Variants in RUVBL2 observed in about 807,000 individuals in gnomAD.
RUVBL2 encodes ruvB-like 2.
RUVBL2 carries 9 observed loss-of-function variants against 57.9 expected under a neutral mutation model. The observed-to-expected ratio is 0.16, with a 90% confidence interval of 0.09 to 0.27. RUVBL2 has a LOEUF of 0.27. RUVBL2 is among the 10% of genes least tolerant of loss of function. The pLI is 1.00. For synonymous variants in RUVBL2, 278 were observed against 264.6 expected (o/e 1.05, Z -0.49); for missense variants, 456 against 669.6 (o/e 0.68, Z 3.52).
chr19:48,997,675 T>C (rs1264615858), intron 1 of RUVBL2, among the ~76,000 whole-genome samples: 1 of 151,954 alleles, frequency 6.6e-6, no homozygotes, highest in African/African-American at 2.4e-5. Flanking sequence ...TTCCTTTTTA[T>C]GACTGAATAA....
At chr19:49,003,235 C>A (rs775695220) in intron 2 of RUVBL2, 44 bp from the exon 3 acceptor site, 8 of 1,597,938 alleles carry the variant, frequency 5.0e-6, no homozygotes, top group Middle Eastern at 1.7e-4. Flanking sequence ...ACATGTGCAG[C>A]AAGCTGGCTA....
At chr19:48,993,805 GA>G, upstream of RUVBL2, 1 of 1,408,540 alleles carries the variant, frequency 7.1e-7, no homozygotes, top group Admixed American at 1.7e-5. Flanking sequence ...ACATATTTAT[GA>G]GGAACCATCG....
chr19:49,000,668 C>T (rs1193281774), intron 2 of RUVBL2, among the ~76,000 whole-genome samples: 1 of 151,880 alleles, frequency 6.6e-6, no homozygotes. Flanking sequence ...AGTTTGAGAC[C>T]AGCTTGGCCA....
intron 11 of RUVBL2, among the ~76,000 whole-genome samples, 167 bp from the exon 12 acceptor site, chr19:49,014,317 G>C (rs527582102): frequency 6.6e-6 from 1 of 152,350 alleles, no homozygotes; most frequent in East Asian, 1.9e-4. Context: ...GCTGTGGAAG[G>C]CTGCGTCATC....
At chr19:48,993,815 C>A (rs2038994505), upstream of RUVBL2, 2 of 1,466,898 alleles carry the variant, frequency 1.4e-6, no homozygotes, top group Non-Finnish European at 1.9e-6. Flanking sequence ...GAGGAACCAT[C>A]GAGATCTTTG....
chr19:49,007,009 C>G lies in RUVBL2; in HGVS notation c.266-9C>G, dbSNP rs1338242841. The G allele has an allele frequency of 1.2e-6, 2 of 1,612,440 alleles. No individual in the cohort carries two copies. The highest frequency in any genetic ancestry group is 2.2e-5 in the East Asian group (1 of 44,880). ...GCGGCTTCACCTACACAGACTGCCT[C>G]CTTCCCAGGCATGGCGCAGGCCCTG... On this transcript the variant is annotated splice_polypyrimidine_tract_variant and intron_variant, in intron 4 of 14. Coordinates refer to ENST00000595090, the MANE Select transcript of RUVBL2 (RefSeq NM_006666.3).
intron 11 of RUVBL2, among the ~76,000 whole-genome samples, chr19:49,013,498 C>G (rs567553443): frequency 2.6e-4 from 39 of 152,046 alleles, no homozygotes; most frequent in Middle Eastern, 3.2e-3. Context: ...GGCTGTGAAG[C>G]CTGACGGAGA....
chr19:48,994,073 C>G, intron 1 of RUVBL2, 150 bp downstream of exon 1: 1 of 715,892 alleles, frequency 1.4e-6, no homozygotes, highest in Non-Finnish European at 2.3e-6. Flanking sequence ...GCTCGGCCAC[C>G]CAGATCTGGG....
At chr19:48,996,300 T>A (rs1308113472) in intron 1 of RUVBL2, among the ~76,000 whole-genome samples, 1 of 152,084 alleles carries the variant, frequency 6.6e-6, no homozygotes, top group African/African-American at 2.4e-5. Flanking sequence ...CATGCAAAGA[T>A]CCACCATCCA....
chr19:49,015,263 G>C, intron 13 of RUVBL2, 113 bp downstream of exon 13: 2 of 1,430,258 alleles, frequency 1.4e-6, no homozygotes, highest in Admixed American at 3.7e-5. Flanking sequence ...CAGACGCAGG[G>C]AATTTTCATC....
chr19:49,004,153 T>C, intron 3 of RUVBL2, 124 bp from the exon 4 acceptor site: 9 of 1,277,914 alleles, frequency 7.0e-6, no homozygotes, highest in Non-Finnish European at 9.6e-6. Context: ...AGGGAAAGCT[T>C]TTTTGGCTTT....
rs1006732951 is a variant in RUVBL2 at position 49,014,345 on chromosome 19, G to T, written c.1002-139G>T. The T allele has an allele frequency of 1.4e-5, 14 of 996,234 alleles. No homozygotes were observed. In the African/African-American group the frequency reaches 2.3e-4, roughly 16 times the overall value. 61.7% of individuals were successfully genotyped at this position (996,234 alleles called of 1,614,324 possible). On this transcript the variant is annotated intron_variant, in intron 11 of 14. Transcript: ENST00000595090. ...GCGTCATCAGGGGTGATGTCATCATGTGACAGGAGACGCGAGCTAAAGGTT... is the reference window on the plus strand; with the variant it reads ...GCGTCATCAGGGGTGATGTCATCATTTGACAGGAGACGCGAGCTAAAGGTT...
intron 1 of RUVBL2, among the ~76,000 whole-genome samples, chr19:48,997,033 A>G (rs2039076225): frequency 1.3e-5 from 2 of 152,020 alleles, no homozygotes; most frequent in African/African-American, 4.8e-5. Flanking sequence ...ACCCATTTAA[A>G]GTATACAGCT....
chr19:49,006,039 T>C (rs1360727820), intron 4 of RUVBL2, among the ~76,000 whole-genome samples: 1 of 152,244 alleles, frequency 6.6e-6, no homozygotes, highest in Non-Finnish European at 1.5e-5. Flanking sequence ...AGCACTGGGG[T>C]GAGGCTAGCC....
chr19:48,996,611 C>T (rs552958771), intron 1 of RUVBL2, among the ~76,000 whole-genome samples: 321 of 152,038 alleles, frequency 2.1e-3, no homozygotes, highest in Non-Finnish European at 3.5e-3. Flanking sequence ...CTACAACCTC[C>T]GCCTCCTGGG....
chr19:49,015,401 CACA>C, intron 13 of RUVBL2, 168 bp from the exon 14 acceptor site: 1 of 712,918 alleles, frequency 1.4e-6, no homozygotes, highest in African/African-American at 1.8e-5. Context: ...AGGCTGGGCC[CACA>C]ACAAGGAGAT....
At chr19:49,015,200 A>G (rs1256603002) in intron 13 of RUVBL2, 50 bp downstream of exon 13, 1 of 1,586,830 alleles carries the variant, frequency 6.3e-7, no homozygotes, top group Non-Finnish European at 8.5e-7. Context: ...AGTGAGTGAC[A>G]CAGTACTTCA....
chr19:48,993,782 C>T, upstream of RUVBL2: 1 of 1,270,558 alleles, frequency 7.9e-7, no homozygotes, highest in Non-Finnish European at 1.1e-6. Flanking sequence ...CCCGCCACGC[C>T]CCCACAATAT....
At chr19:48,994,359 C>CT (rs1228573717) in intron 1 of RUVBL2, 1 of 184,442 alleles carries the variant, frequency 5.4e-6, no homozygotes, top group Non-Finnish European at 1.2e-5. Context: ...TTCAGTGTGT[C>CT]TGAGAGCGCG....
Sources: gnomAD v4.1 joint callset for allele counts (sites outside exome capture counted in the v4.1 genomes callset) on GRCh38, gnomAD v4.1.1 for gene constraint, MANE v1.5 for transcripts, NCBI Gene and HGNC (gene_info 2026-07-23, HGNC 2026-07-21) for gene names.